The following BICC1 variants were observed in gnomAD, a reference collection of about 807,000 sequenced individuals.
BICC1 encodes the protein BicC family RNA binding protein 1, also known as protein bicaudal C homolog 1.
Under a neutral mutation model 111.0 loss-of-function variants are expected in BICC1, and 43 were observed. That is an observed-to-expected ratio of 0.39 (90% CI 0.30 to 0.50). The LOEUF is 0.50. BICC1 is among the 20% of genes least tolerant of loss of function. The pLI is 0.88. For synonymous variants in BICC1, 467 were observed against 434.4 expected (o/e 1.07, Z -0.93); for missense variants, 1,091 against 1,203.2 (o/e 0.91, Z 1.38).
Position 58,807,947 on chromosome 10 carries a change from AAAC to A in BICC1, c.2376+792_2376+794del, listed in dbSNP as rs1458939563. The stretch of plus-strand genomic sequence containing the variant: ...ACCAGAGAGAGCACTGTAGGCCAAA[AAAC>A]AAACACTGGTTAAGGGTTTCATAAT... On this transcript the variant is annotated intron_variant, in intron 17 of 20. Coordinates refer to ENST00000373886, the MANE Select transcript of BICC1 (RefSeq NM_001080512.3). 2.0e-5 allele frequency among the ~76,000 whole-genome samples: 3 copies of A among 152,210 alleles called. No homozygotes were observed. The East Asian group carries it at 5.8e-4, about 29-fold the overall frequency.
intron 3 of BICC1, among the ~76,000 whole-genome samples, chr10:58,754,753 G>GGT (rs1285983688): frequency 3.3e-4 from 38 of 115,566 alleles, no homozygotes; most frequent in Middle Eastern, 4.4e-3. Flanking sequence ...TGTGAGGGGG[G>GGT]GTGTGTATGT....
chr10:58,567,119 G>T (rs1843791763), intron 1 of BICC1, among the ~76,000 whole-genome samples: 2 of 152,178 alleles, frequency 1.3e-5, no homozygotes, highest in South Asian at 4.1e-4. Flanking sequence ...ATAGTGGTGG[G>T]TTAGGCCATG....
intron 1 of BICC1, among the ~76,000 whole-genome samples, chr10:58,613,743 T>C (rs1845511832): frequency 6.6e-6 from 1 of 152,210 alleles, no homozygotes; most frequent in South Asian, 2.1e-4. Flanking sequence ...GAATTGTGAC[T>C]GTGAAAAACT....
At chr10:58,726,539 C>T (rs907786891) in intron 3 of BICC1, among the ~76,000 whole-genome samples, 2 of 152,134 alleles carry the variant, frequency 1.3e-5, no homozygotes, top group Non-Finnish European at 2.9e-5. Context: ...CTGGCACTGC[C>T]GTTGTATACT....
chr10:58,755,716 A>G (rs550497570), intron 3 of BICC1, among the ~76,000 whole-genome samples: 2 of 151,522 alleles, frequency 1.3e-5, no homozygotes, highest in East Asian at 1.9e-4. Flanking sequence ...CTAAGTTTCA[A>G]TGACATTCTG....
At chr10:58,548,869 GGTGT>G (rs1230794084) in intron 1 of BICC1, among the ~76,000 whole-genome samples, 1 of 151,858 alleles carries the variant, frequency 6.6e-6, no homozygotes, top group Non-Finnish European at 1.5e-5. Context: ...TTTACTTTGG[GGTGT>G]GTGTGTGTCA....
chr10:58,770,088 A>G (rs1842581978), intron 3 of BICC1, among the ~76,000 whole-genome samples: 2 of 152,138 alleles, frequency 1.3e-5, no homozygotes, highest in African/African-American at 2.4e-5. Context: ...TCTTTAGCAG[A>G]TATAAGTTCA....
chr10:58,557,807 A>G (rs1843494703), intron 1 of BICC1, among the ~76,000 whole-genome samples: 1 of 152,042 alleles, frequency 6.6e-6, no homozygotes, highest in African/African-American at 2.4e-5. Context: ...ACATGTAACA[A>G]TTCTATGTTG....
chr10:58,626,396 A>G (rs185813226), intron 2 of BICC1, among the ~76,000 whole-genome samples: 1 of 152,332 alleles, frequency 6.6e-6, no homozygotes, highest in Non-Finnish European at 1.5e-5. Flanking sequence ...TGTAAGACTT[A>G]GAAAAGAAGA....
chr10:58,634,374 G>C (rs1302612240), intron 2 of BICC1, among the ~76,000 whole-genome samples: 2 of 152,134 alleles, frequency 1.3e-5, no homozygotes, highest in Admixed American at 1.3e-4. Flanking sequence ...AGCCATTTTA[G>C]TGATAGTAAA....
chr10:58,553,129 A>G (rs1294083631), intron 1 of BICC1, among the ~76,000 whole-genome samples: 2 of 152,118 alleles, frequency 1.3e-5, no homozygotes, highest in Non-Finnish European at 2.9e-5. Context: ...TGACAGATGT[A>G]GTGGTGGAGA....
rs2132868000 is a variant in BICC1, at chr10:58,800,301, A to G, written c.1833A>G (p.Thr611=). 6.2e-7 allele frequency: 1 copy of G among 1,613,652 alleles called. No homozygotes were observed. The highest frequency in any genetic ancestry group is 1.1e-5 in the South Asian group (1 of 91,008). Residue 611 remains threonine (T), a synonymous_variant, in exon 13 of 21, where the codon ACA becomes ACG. Coordinates refer to ENST00000373886, the MANE Select transcript of BICC1 (RefSeq NM_001080512.3). The stretch of plus-strand genomic sequence containing the variant: ...TCCAGACAAGTGGGTCTGAGCAGAC[A>G]TCTCCCAAATCAAGCCCCACTGAAG... The part of the protein sequence containing the change: ...PSIQTSGSEQ[T]SPKSSPTEGC...
intron 4 of BICC1, among the ~76,000 whole-genome samples, chr10:58,785,308 G>C (rs1430519302): frequency 1.3e-5 from 2 of 152,000 alleles, no homozygotes; most frequent in Non-Finnish European, 2.9e-5. Flanking sequence ...ACACCTATAT[G>C]TACCTACATC....
At chr10:58,655,292 A>G (rs1424661540) in intron 2 of BICC1, among the ~76,000 whole-genome samples, 2 of 139,390 alleles carry the variant, frequency 1.4e-5, no homozygotes, top group African/African-American at 2.6e-5. Flanking sequence ...CATTTTCACG[A>G]TATTGATTCT....
intron 1 of BICC1, among the ~76,000 whole-genome samples, chr10:58,572,561 G>A (rs1053990812): frequency 6.6e-6 from 1 of 152,066 alleles, no homozygotes; most frequent in African/African-American, 2.4e-5. Flanking sequence ...TTTTAATCTA[G>A]TGTGAAAATA....
At chr10:58,675,611 G>A (rs1839314666) in intron 2 of BICC1, among the ~76,000 whole-genome samples, 1 of 152,126 alleles carries the variant, frequency 6.6e-6, no homozygotes, top group Non-Finnish European at 1.5e-5. Flanking sequence ...TGCCAGTGGG[G>A]TGGAGGAAAC....
chr10:58,719,873 G>C (rs1250550138), intron 3 of BICC1, among the ~76,000 whole-genome samples: 2 of 152,132 alleles, frequency 1.3e-5, no homozygotes, highest in Non-Finnish European at 2.9e-5. Context: ...CAGCTGACAG[G>C]CCACATAATG....
intron 1 of BICC1, among the ~76,000 whole-genome samples, chr10:58,538,253 TA>T (rs1198054263): frequency 3.3e-5 from 5 of 151,672 alleles, no homozygotes; most frequent in African/African-American, 9.7e-5. Context: ...ACCAAAACAG[TA>T]TGGTACTGGT....
At chr10:58,790,131 A>G (rs1434571694) in intron 8 of BICC1, among the ~76,000 whole-genome samples, 198 bp downstream of exon 8, 1 of 152,230 alleles carries the variant, frequency 6.6e-6, no homozygotes, top group Non-Finnish European at 1.5e-5. Flanking sequence ...ATTTCATTGC[A>G]TATGTAATTT....
Sources: allele counts gnomAD v4.1 joint callset (sites outside exome capture counted in the v4.1 genomes callset), GRCh38; gene constraint gnomAD v4.1.1; transcripts MANE v1.5; gene names NCBI Gene and HGNC (gene_info 2026-07-23, HGNC 2026-07-21).